Variants in ELP4 observed in about 807,000 individuals in gnomAD.
ELP4 encodes the protein elongator acetyltransferase complex subunit 4.
Under a neutral mutation model 48.9 loss-of-function variants are expected in ELP4, and 51 were observed. The observed-to-expected ratio is 1.04, with a 90% CI of 0.83 to 1.32. The LOEUF (loss-of-function observed/expected upper bound fraction) is 1.32, where lower values mean the gene tolerates loss of function less well. Ranked by LOEUF, ELP4 falls within the 40% of genes most tolerant of loss-of-function variation. The pLI is 0.00. For synonymous variants in ELP4, 210 were observed against 189.2 expected, an observed-to-expected ratio of 1.11 and a Z score of -0.90; for missense variants, 519 against 514.6, an observed-to-expected ratio of 1.01 and a Z score of -0.08.
intron 9 of ELP4, among the ~76,000 whole-genome samples, chr11:31,725,543 A>G (rs1382603814): frequency 6.6e-6 from 1 of 152,280 alleles, no homozygotes; most frequent in East Asian, 1.9e-4. Context: ...ACTGATGTTC[A>G]CTGGGGAATG....
intron 3 of ELP4, among the ~76,000 whole-genome samples, chr11:31,562,012 A>C (rs1400595148): frequency 6.6e-6 from 1 of 152,130 alleles, no homozygotes; most frequent in East Asian, 1.9e-4. Context: ...GCAGTGTTGA[A>C]AGCATGTGGC....
intron 9 of ELP4, among the ~76,000 whole-genome samples, chr11:31,707,962 T>G (rs1488308850): frequency 6.6e-6 from 1 of 152,180 alleles, no homozygotes; most frequent in Admixed American, 6.6e-5. Flanking sequence ...TGAAAAGTCC[T>G]CCTTGCTATG....
intron 9 of ELP4, among the ~76,000 whole-genome samples, chr11:31,676,050 A>G (rs1945919850): frequency 6.6e-6 from 1 of 151,678 alleles, no homozygotes; most frequent in African/African-American, 2.4e-5. Flanking sequence ...CTCACTCAGA[A>G]GTCCTTAAGT....
chr11:31,639,644 A>G (rs960514915), intron 7 of ELP4, among the ~76,000 whole-genome samples: 1 of 151,864 alleles, frequency 6.6e-6, no homozygotes, highest in Non-Finnish European at 1.5e-5. Flanking sequence ...TAGTATATGT[A>G]TAACTTTGTC....
intron 3 of ELP4, among the ~76,000 whole-genome samples, chr11:31,575,575 G>C (rs1957261402): frequency 1.3e-5 from 2 of 152,214 alleles, no homozygotes; most frequent in African/African-American, 4.8e-5. Flanking sequence ...AAGCCCATCA[G>C]ACTAACAGCT....
At chr11:31,660,421 T>C (rs937223831) in intron 9 of ELP4, among the ~76,000 whole-genome samples, 1 of 152,188 alleles carries the variant, frequency 6.6e-6, no homozygotes, top group African/African-American at 2.4e-5. Flanking sequence ...ATTGCCCTTG[T>C]TGATCCTGTA....
rs1273370040 is a variant in ELP4 at position 31,787,832 on chromosome 11, A to G, written c.*4308A>G. The G allele has an allele frequency of 4.4e-6, 1 of 224,990 alleles. No homozygotes were observed. The highest frequency in any genetic ancestry group is 8.9e-6 in the Non-Finnish European group (1 of 112,976). The allele number at this position is 224,990 out of a possible 1,614,324, so 13.9% of individuals were successfully genotyped here. On this transcript the variant is annotated 3_prime_UTR_variant, in exon 10 of 10. Transcript: ENST00000640961. ...TAATTCCTTAACTAAAAAACAGTAG[A>G]TATTGAACGAGAAGGTCATGTTTAA...
chr11:31,517,442 G>T (rs1324066019), intron 1 of ELP4, among the ~76,000 whole-genome samples: 3 of 151,860 alleles, frequency 2.0e-5, no homozygotes, highest in African/African-American at 7.3e-5. Flanking sequence ...GGGATTGCAG[G>T]TGTGAGCCAC....
intron 1 of ELP4, among the ~76,000 whole-genome samples, chr11:31,518,551 G>A (rs1320091076): frequency 7.0e-6 from 1 of 142,412 alleles, no homozygotes; most frequent in Non-Finnish European, 1.5e-5. Context: ...AGGCTGGAGT[G>A]CAGTGGTGCA....
At chr11:31,762,332 A>G (rs1317372380) in intron 9 of ELP4, among the ~76,000 whole-genome samples, 1 of 152,118 alleles carries the variant, frequency 6.6e-6, no homozygotes, top group Admixed American at 6.6e-5. Context: ...TATTTAAATG[A>G]TTTTTTCCTT....
intron 9 of ELP4, among the ~76,000 whole-genome samples, chr11:31,678,110 A>G (rs1208449423): frequency 6.6e-6 from 1 of 152,000 alleles, no homozygotes; most frequent in Non-Finnish European, 1.5e-5. Context: ...CCATGTAATT[A>G]CGTAGATTGT....
rs772222437 is a variant in ELP4 at position 31,632,318 on chromosome 11, C to A, written c.840C>A (p.Ser280Arg). ...CAGAAAATGGTGGCAACAGTCACAG[C>A]CTTACCAAGTTCCTCTATGTTCTCC... ...CCAENGGNSHSLTKFLYVLRG... is the reference protein window; with the variant it reads ...CCAENGGNSHRLTKFLYVLRG... The change falls in exon 7 of 10, where the codon AGC (serine) becomes AGA (arginine). Residue 280 changes from serine to arginine, a missense_variant. By Grantham distance (110) the Ser-to-Arg change is moderately radical. Coordinates refer to ENST00000640961, the MANE Select transcript of ELP4 (RefSeq NM_019040.5). 3 of 1,613,368 alleles carry A rather than the reference C, an allele frequency of 1.9e-6. No individual in the cohort carries two copies. Among genetic ancestry groups the A allele is most frequent in the Non-Finnish European group, 2.5e-6 (3 of 1,179,620 alleles).
chr11:31,598,430 G>T (rs1957716754), intron 4 of ELP4, among the ~76,000 whole-genome samples: 1 of 144,478 alleles, frequency 6.9e-6, no homozygotes, highest in East Asian at 2.1e-4. Flanking sequence ...CATTGGCTTT[G>T]TTACCTATTA....
At chr11:31,583,905 A>G (rs374072840) in intron 3 of ELP4, among the ~76,000 whole-genome samples, 1 of 152,206 alleles carries the variant, frequency 6.6e-6, no homozygotes, top group East Asian at 1.9e-4. Flanking sequence ...TGGCTAGTGC[A>G]GTTGAGATTA....
chr11:31,613,531 A>G (rs1565079496), intron 5 of ELP4, among the ~76,000 whole-genome samples: 1 of 152,118 alleles, frequency 6.6e-6, no homozygotes, highest in African/African-American at 2.4e-5. Context: ...TTATCAGCAT[A>G]CTTCTTAATA....
intron 7 of ELP4, among the ~76,000 whole-genome samples, chr11:31,643,721 T>G (rs1305194901): frequency 6.6e-6 from 1 of 151,892 alleles, no homozygotes; most frequent in Non-Finnish European, 1.5e-5. Flanking sequence ...AAAATCCATT[T>G]AACAGATTTG....
At chr11:31,529,156 A>G (rs1407603544) in intron 2 of ELP4, among the ~76,000 whole-genome samples, 1 of 152,088 alleles carries the variant, frequency 6.6e-6, no homozygotes, top group African/African-American at 2.4e-5. Context: ...AAATAAACCA[A>G]TGCATGAGAA....
chr11:31,532,929 G>A (rs1259489124), intron 2 of ELP4, among the ~76,000 whole-genome samples: 1 of 151,488 alleles, frequency 6.6e-6, no homozygotes, highest in African/African-American at 2.4e-5. Flanking sequence ...GCACCACCAC[G>A]CCTGGCTAAT....
At chr11:31,514,413 C>A (rs939390686) in intron 1 of ELP4, among the ~76,000 whole-genome samples, 1 of 152,100 alleles carries the variant, frequency 6.6e-6, no homozygotes, top group Non-Finnish European at 1.5e-5. Flanking sequence ...GAGCAGTGAT[C>A]ACACCACTAT....
Sources: allele counts gnomAD v4.1 joint callset (sites outside exome capture counted in the v4.1 genomes callset), GRCh38; gene constraint gnomAD v4.1.1; transcripts MANE v1.5; gene names NCBI Gene and HGNC (gene_info 2026-07-23, HGNC 2026-07-21).